The following VWA5B1 variants were observed in gnomAD, a reference collection of about 807,000 sequenced individuals.
VWA5B1 encodes the protein von Willebrand factor A domain containing 5B1, also known as von Willebrand factor A domain-containing protein 5B1.
In VWA5B1, 115 loss-of-function variants were observed where a neutral mutation model predicts 118.2. The observed-to-expected ratio is 0.97, with a 90% confidence interval of 0.84 to 1.14. VWA5B1 has a LOEUF of 1.14. VWA5B1 is among the 50% of genes most tolerant of loss of function. VWA5B1 has a pLI of 0.00. For missense variants in VWA5B1, 1,596 were observed against 1,603.8 expected (o/e 1.00, Z 0.08); for synonymous variants, 682 against 658.4 (o/e 1.04, Z -0.55).
intron 15 of VWA5B1, 40 bp from the exon 16 acceptor site, chr1:20,343,039 C>T (rs890759243): frequency 4.1e-6 from 6 of 1,474,950 alleles, no homozygotes; most frequent in Non-Finnish European, 5.4e-6. Context: ...CCGTCTGTCC[C>T]CCAGGTCAGC....
intron 8 of VWA5B1, 73 bp downstream of exon 8, chr1:20,323,605 T>A: frequency 7.8e-7 from 1 of 1,286,214 alleles, no homozygotes; most frequent in Non-Finnish European, 9.9e-7. Context: ...CCAATCCAGC[T>A]TCCTCAGCAC....
intron 18 of VWA5B1, 23 bp downstream of exon 18, chr1:20,348,381 G>A: frequency 6.4e-7 from 1 of 1,551,082 alleles, no homozygotes; most frequent in Non-Finnish European, 8.7e-7. Flanking sequence ...CCCTAAGTAA[G>A]AGCCACCCTG....
intron 4 of VWA5B1, among the ~76,000 whole-genome samples, chr1:20,316,861 C>T (rs538717064): frequency 5.7e-4 from 87 of 152,286 alleles, no homozygotes; most frequent in Non-Finnish European, 9.6e-4. Context: ...TGGAGCCAGA[C>T]AGACCTAGGC....
At chr1:20,319,294 G>T in intron 6 of VWA5B1, 88 bp from the exon 7 acceptor site, 1 of 1,511,372 alleles carries the variant, frequency 6.6e-7, no homozygotes, top group Admixed American at 2.1e-5. Context: ...TCCCACCCCT[G>T]TGAGAATCTT....
intron 14 of VWA5B1, among the ~76,000 whole-genome samples, chr1:20,340,607 C>T (rs75653723): frequency 0.027 from 4,080 of 152,284 alleles, 162 homozygotes; most frequent in African/African-American, 0.092. Context: ...TGTCTTTTCG[C>T]CCTCATCCCC....
chr1:20,340,237 CTGGA>C (rs1035555660), intron 14 of VWA5B1, among the ~76,000 whole-genome samples: 1 of 152,060 alleles, frequency 6.6e-6, no homozygotes, highest in Non-Finnish European at 1.5e-5. Context: ...CACCCTCTGG[CTGGA>C]TGAAGGGCTG....
At position 20,332,911 on chromosome 1, in the gene VWA5B1, T is replaced by C; in HGVS notation, c.1718T>C (p.Ile573Thr). 6.4e-7 allele frequency: 1 copy of C among 1,551,860 alleles called. No individual in the cohort carries two copies. The highest frequency in any genetic ancestry group is 8.7e-7 in the Non-Finnish European group (1 of 1,147,036). Residue 573 changes from isoleucine (I) to threonine (T), a missense_variant, in exon 12 of 22, where the codon ATT becomes ACT. Physicochemically the swap from Ile to Thr is moderately conservative, Grantham distance 89. Transcript: ENST00000289815. ...GGAGAACGGCTGGTGGGGTATGGCA[T>C]TGTATGTGATGCTTCTTTGCACATC... ...FPGERLVGYG[I>T]VCDASLHISN...
intron 16 of VWA5B1, among the ~76,000 whole-genome samples, chr1:20,344,928 T>C (rs573376931): frequency 4.6e-5 from 7 of 152,296 alleles, no homozygotes; most frequent in East Asian, 1.9e-4. Context: ...AGGAAAGGGA[T>C]TGGGCTCTGG....
At position 20,330,261 on chromosome 1, in the gene VWA5B1, T is replaced by C; in HGVS notation, c.1336T>C (p.Trp446Arg). ...GACCAACATCCTTTCCCCTCTCAAG[T>C]GGGTCATCAGGCAGCCAGTGCACCG... ...GGTNILSPLK[W>R]VIRQPVHRGH... is the part of the protein sequence containing the mutation. Residue 446 changes from tryptophan to arginine, a missense_variant, in exon 10 of 22, where the codon TGG (tryptophan) becomes CGG (arginine). By Grantham distance (101) the Trp-to-Arg change is moderately radical (BLOSUM62 -3). Coordinates refer to ENST00000289815, the MANE Select transcript of VWA5B1 (RefSeq NM_001039500.3). The C allele has an allele frequency of 6.4e-7, 1 of 1,551,616 alleles. No homozygotes were observed. The highest frequency in any genetic ancestry group is 2.4e-5 in the East Asian group (1 of 40,906).
At chr1:20,317,749 GGT>G in intron 5 of VWA5B1, 74 bp downstream of exon 5, 42 of 1,288,330 alleles carry the variant, frequency 3.3e-5, no homozygotes, top group Non-Finnish European at 3.9e-5. Flanking sequence ...ATGGGACGGG[GGT>G]GGGAAGGAAA....
At chr1:20,293,707 G>A (rs1233603263) in intron 1 of VWA5B1, among the ~76,000 whole-genome samples, 1 of 152,212 alleles carries the variant, frequency 6.6e-6, no homozygotes, top group Non-Finnish European at 1.5e-5. Context: ...ACTGGACTGA[G>A]TATGACTCCA....
At chr1:20,338,139 G>A in intron 14 of VWA5B1, 1 of 530,344 alleles carries the variant, frequency 1.9e-6, no homozygotes, top group Non-Finnish European at 3.6e-6. Flanking sequence ...GAGTTTAGGG[G>A]CCCACCTTGG....
In VWA5B1 at chr1:20,345,589, C is replaced by T. The variant is rs1239488293; in HGVS notation, c.2760C>T (p.Asn920=). ...RYLPTVVEYP[N]SGAALRMLGS... is the part of the protein sequence containing the mutation. The stretch of plus-strand genomic sequence containing the variant: ...TGCCCACCGTGGTGGAGTACCCCAA[C>T]TCTGGTAAGGCAGGCGAGCGGCCGG... The change falls in exon 17 of 22, where the codon AAC becomes AAT. Residue 920 remains asparagine, a synonymous_variant. Coordinates refer to ENST00000289815, the MANE Select transcript of VWA5B1 (RefSeq NM_001039500.3). 1.3e-6 allele frequency: 2 copies of T among 1,547,258 alleles called. No homozygotes were observed. The highest frequency in any genetic ancestry group is 4.0e-5 in the Admixed American group (2 of 50,596).
rs2089284747 is a variant in VWA5B1, at chr1:20,323,479, T to C, written c.1090T>C (p.Phe364Leu). The stretch of plus-strand genomic sequence containing the variant: ...GAGAAAGGCCCACGGGGAGTTCATC[T>C]TCCTCATTGACAGGAGCAGCAGCAT... ...CLRKAHGEFI[F>L]LIDRSSSMSG... The change falls in exon 8 of 22, where the codon TTC becomes CTC. Residue 364 changes from phenylalanine (F) to leucine (L), a missense_variant. Physicochemically the swap from Phe to Leu is conservative, Grantham distance 22. Transcript: ENST00000289815. 2.0e-6 allele frequency: 3 copies of C among 1,532,518 alleles called. No individual in the cohort carries two copies. The highest frequency in any genetic ancestry group is 2.8e-5 in the African/African-American group (2 of 72,174). 94.9% of individuals were successfully genotyped at this position (1,532,518 alleles called of 1,614,324 possible).
intron 9 of VWA5B1, among the ~76,000 whole-genome samples, chr1:20,329,571 A>T (rs888160999): frequency 1.3e-5 from 2 of 151,992 alleles, no homozygotes; most frequent in Non-Finnish European, 2.9e-5. Context: ...GACTTCCCAA[A>T]CATGCTGTTA....
intron 1 of VWA5B1, among the ~76,000 whole-genome samples, chr1:20,304,535 C>T (rs889688965): frequency 2.0e-5 from 3 of 150,382 alleles, no homozygotes; most frequent in East Asian, 3.9e-4. Context: ...GAAGCCATTA[C>T]GCTAAGGAAA....
chr1:20,310,626 A>T lies in VWA5B1; in HGVS notation c.25A>T (p.Thr9Ser). 3 of 1,545,772 alleles carry T rather than the reference A, an allele frequency of 1.9e-6. No homozygotes were observed. Among genetic ancestry groups the T allele is most frequent in the Non-Finnish European group, 2.6e-6 (3 of 1,144,694 alleles). Residue 9 changes from threonine to serine, a missense_variant, in exon 2 of 22, where the codon ACG becomes TCG. Physicochemically the swap from Thr to Ser is moderately conservative, Grantham distance 58. Coordinates refer to ENST00000289815, the MANE Select transcript of VWA5B1 (RefSeq NM_001039500.3). MPGLLNWITGAALPLTASD... is the reference protein window; with the variant it reads MPGLLNWISGAALPLTASD... Reference sequence around the variant, plus strand: ...GATGCCCGGCTTGCTGAATTGGATCACGGGGGCAGCCCTGCCCCTCACCGC... The same window carrying T: ...GATGCCCGGCTTGCTGAATTGGATCTCGGGGGCAGCCCTGCCCCTCACCGC...
In VWA5B1 at chr1:20,354,209, C is replaced by T. The variant is rs1387302183; in HGVS notation, c.3594C>T (p.His1198=). The change falls in exon 22 of 22, where the codon CAC becomes CAT. Residue 1198 remains histidine (H), a synonymous_variant. Coordinates refer to ENST00000289815, the MANE Select transcript of VWA5B1 (RefSeq NM_001039500.3). The part of the protein sequence containing the change: ...AARQLFVLLR[H]WDENLEFNML... ...GCCAGCTGTTTGTGCTTCTGCGGCA[C>T]TGGGATGAGAATCTCGAGTTCAATA... The T allele has an allele frequency of 1.3e-6, 2 of 1,550,832 alleles. No individual in the cohort carries two copies. Among genetic ancestry groups the T allele is most frequent in the African/African-American group, 2.7e-5 (2 of 73,074 alleles).
chr1:20,353,632 G>C (rs914365376), intron 21 of VWA5B1, 125 bp from the exon 22 acceptor site: 10 of 1,267,256 alleles, frequency 7.9e-6, no homozygotes, highest in Non-Finnish European at 1.0e-5. Context: ...AATTGACCTG[G>C]GTATCCTGAA....
Sources: allele counts gnomAD v4.1 joint callset (sites outside exome capture counted in the v4.1 genomes callset), GRCh38; gene constraint gnomAD v4.1.1; transcripts MANE v1.5; gene names NCBI Gene and HGNC (gene_info 2026-07-23, HGNC 2026-07-21).